Variants in RHBDL3 observed in about 807,000 individuals in gnomAD.
RHBDL3 encodes rhomboid-related protein 3.
Under a neutral mutation model 48.2 loss-of-function variants are expected in RHBDL3, and 28 were observed. That is an observed-to-expected ratio of 0.58 (90% CI 0.43 to 0.80). RHBDL3 has a LOEUF of 0.80. Among genes scored for constraint, RHBDL3 ranks in the 30% least tolerant of loss-of-function variants. The pLI is 0.00. For missense variants in RHBDL3, 464 were observed against 542.7 expected, an observed-to-expected ratio of 0.85 and a Z score of 1.44; for synonymous variants, 208 against 232.3, an observed-to-expected ratio of 0.90 and a Z score of 0.95.
intron 2 of RHBDL3, among the ~76,000 whole-genome samples, chr17:32,269,831 AAAAC>A (rs1235847375): frequency 1.3e-5 from 2 of 152,180 alleles, no homozygotes; most frequent in African/African-American, 2.4e-5. Flanking sequence ...TGTACATTTT[AAAAC>A]AAACCATTTG....
At chr17:32,272,054 T>C (rs2150689798) in intron 2 of RHBDL3, among the ~76,000 whole-genome samples, 2 of 152,374 alleles carry the variant, frequency 1.3e-5, no homozygotes, top group South Asian at 4.1e-4. Flanking sequence ...TCTTCCTCTG[T>C]ACAATGGGGA....
At chr17:32,275,235 C>T (rs2039869507) in intron 2 of RHBDL3, among the ~76,000 whole-genome samples, 1 of 152,214 alleles carries the variant, frequency 6.6e-6, no homozygotes, top group South Asian at 2.1e-4. Context: ...CATGACTCGG[C>T]TTCAGTCCCC....
intron 4 of RHBDL3, among the ~76,000 whole-genome samples, chr17:32,294,033 C>A (rs948662829): frequency 4.6e-5 from 7 of 151,164 alleles, no homozygotes; most frequent in Non-Finnish European, 1.0e-4. Context: ...GAGGCTGAGG[C>A]AGGAGAATCG....
At chr17:32,318,111 T>TAG (rs2041019383) in intron 8 of RHBDL3, among the ~76,000 whole-genome samples, 1 of 150,212 alleles carries the variant, frequency 6.7e-6, no homozygotes, top group South Asian at 2.1e-4. Flanking sequence ...CCTAGCTACT[T>TAG]AGACTGAGGC....
intron 3 of RHBDL3, 107 bp downstream of exon 3, chr17:32,284,924 T>A: frequency 2.0e-6 from 2 of 1,024,816 alleles, no homozygotes; most frequent in Non-Finnish European, 2.9e-6. Flanking sequence ...GCCTGCAGCA[T>A]TGAAAAAGTC....
At chr17:32,298,759 A>G (rs1306393024) in intron 6 of RHBDL3, among the ~76,000 whole-genome samples, 1 of 152,074 alleles carries the variant, frequency 6.6e-6, no homozygotes, top group African/African-American at 2.4e-5. Flanking sequence ...CCCTTGCCTG[A>G]CCCACTGCTG....
intron 2 of RHBDL3, among the ~76,000 whole-genome samples, chr17:32,269,246 A>G (rs186682245): frequency 6.6e-6 from 1 of 152,294 alleles, no homozygotes; most frequent in East Asian, 1.9e-4. Flanking sequence ...TACATGAGAG[A>G]CTGAGGCAGG....
At chr17:32,296,831 T>G (rs1374930163) in intron 5 of RHBDL3, among the ~76,000 whole-genome samples, 2 of 149,840 alleles carry the variant, frequency 1.3e-5, no homozygotes, top group Non-Finnish European at 3.0e-5. Context: ...TTTTATTTTT[T>G]GAGAAGGAAT....
chr17:32,311,697 G>A (rs759354374), intron 7 of RHBDL3, among the ~76,000 whole-genome samples: 1 of 152,202 alleles, frequency 6.6e-6, no homozygotes, highest in Non-Finnish European at 1.5e-5. Flanking sequence ...GGGAGGTGCT[G>A]TGGCAAAACT....
At position 32,274,058 on chromosome 17, in the gene RHBDL3, T is replaced by G. The variant is rs573026001; in HGVS notation, c.135+6133T>G. 5.9e-5 allele frequency among the ~76,000 whole-genome samples: 9 copies of G among 152,334 alleles called. No individual in the cohort carries two copies. In the South Asian group the frequency reaches 1.5e-3, roughly 25 times the overall value. ...GCCAGACCTCGGTCTTGAATCGAAG[T>G]GTTCAGAGCCCCAGTTGGGGTTCCT... On this transcript the variant is annotated intron_variant, in intron 2 of 8. Coordinates refer to ENST00000269051, the MANE Select transcript of RHBDL3 (RefSeq NM_138328.3).
intron 7 of RHBDL3, 50 bp downstream of exon 7, chr17:32,305,491 TCACTGGGCCTGAGTATTAATC>T (rs745783049): frequency 1.9e-5 from 24 of 1,292,184 alleles, no homozygotes; most frequent in African/African-American, 2.9e-5. Flanking sequence ...TCCTCTGCCA[TCACTGGGCCTGAGTATTAATC>T]CACTGGGGCT....
At chr17:32,310,024 C>T (rs536243477) in intron 7 of RHBDL3, among the ~76,000 whole-genome samples, 5 of 152,110 alleles carry the variant, frequency 3.3e-5, no homozygotes, top group South Asian at 2.1e-4. Context: ...GCTGGGATTA[C>T]AGGCGTGAGC....
chr17:32,309,187 T>A (rs992766567), intron 7 of RHBDL3, among the ~76,000 whole-genome samples: 284 of 24,812 alleles, frequency 0.011, 1 homozygote, highest in African/African-American at 0.09. Context: ...GGAGTGTGTG[T>A]GTGTGTGTGT....
chr17:32,290,102 C>T (rs1400016355), intron 4 of RHBDL3, among the ~76,000 whole-genome samples: 2 of 152,192 alleles, frequency 1.3e-5, no homozygotes, highest in Non-Finnish European at 2.9e-5. Context: ...GGATTTGCTA[C>T]CAGGCCACCC....
chr17:32,281,171 C>T (rs1009864340), intron 2 of RHBDL3, among the ~76,000 whole-genome samples: 2 of 152,140 alleles, frequency 1.3e-5, no homozygotes, highest in African/African-American at 2.4e-5. Context: ...TGTCTGGAGC[C>T]TGTTACTATG....
chr17:32,298,451 G>A (rs1453339016), intron 6 of RHBDL3, among the ~76,000 whole-genome samples: 2 of 152,224 alleles, frequency 1.3e-5, no homozygotes. Flanking sequence ...GGACAGGCTG[G>A]ACAACCGACT....
chr17:32,303,267 A>G (rs975729756), intron 6 of RHBDL3, among the ~76,000 whole-genome samples: 1 of 152,152 alleles, frequency 6.6e-6, no homozygotes, highest in African/African-American at 2.4e-5. Flanking sequence ...CAGTTTGTAC[A>G]GACCTGCTCT....
chr17:32,276,918 AGCCCTAGCACCTTACTCCG>A lies in RHBDL3; in HGVS notation c.136-7722_136-7704del, dbSNP rs1567763836. On this transcript the variant is annotated intron_variant, in intron 2 of 8. Transcript: ENST00000269051. ...TACTCCGGCCCTAGCACCTTACTCC[AGCCCTAGCACCTTACTCCG>A]GCCCTAGCACCTTACTCCAGCCCTA... Among the ~76,000 whole-genome samples the A allele has an allele frequency of 1.6e-4, 7 of 45,012 alleles. 1 individual carries two copies. Among genetic ancestry groups the A allele is most frequent in the Non-Finnish European group, 2.3e-4 (6 of 26,498 alleles). 29.5% of individuals were successfully genotyped at this position (45,012 alleles called of 152,430 possible). A position where few individuals can be genotyped will look rare whatever the true frequency, so the allele number is the denominator to read the frequency against.
At chr17:32,313,751 CT>C (rs559422433) in intron 7 of RHBDL3, among the ~76,000 whole-genome samples, 2,402 of 98,450 alleles carry the variant, frequency 0.024, 16 homozygotes, top group African/African-American at 0.076. Flanking sequence ...AATTCCCTCC[CT>C]TTTTTTTTTT....
Sources: gnomAD v4.1 joint callset for allele counts (sites outside exome capture counted in the v4.1 genomes callset) on GRCh38, gnomAD v4.1.1 for gene constraint, MANE v1.5 for transcripts, NCBI Gene and HGNC (gene_info 2026-07-23, HGNC 2026-07-21) for gene names.